Variants in LRRC7 observed in about 807,000 individuals in gnomAD.
The protein encoded by LRRC7 is leucine-rich repeat-containing protein 7.
LRRC7 carries 23 observed loss-of-function variants against 175.7 expected under a neutral mutation model. That is an observed-to-expected ratio of 0.13 (90% CI 0.09 to 0.19). The LOEUF (loss-of-function observed/expected upper bound fraction) is 0.19. Among genes scored for constraint, LRRC7 ranks in the 10% least tolerant of loss-of-function variants. LRRC7 has a pLI of 1.00. For missense variants in LRRC7, 1,354 were observed against 1,904.7 expected (o/e 0.71, Z 5.38); for synonymous variants, 685 against 680.9 (o/e 1.01, Z -0.09).
At chr1:69,763,785 T>C (rs762910728) in intron 3 of LRRC7, among the ~76,000 whole-genome samples, 13 of 152,078 alleles carry the variant, frequency 8.5e-5, no homozygotes, top group Non-Finnish European at 1.6e-4. Context: ...TAAATAAAAA[T>C]TATTTTTGTC....
chr1:69,670,494 C>G (rs1658915642), intron 1 of LRRC7, among the ~76,000 whole-genome samples: 1 of 152,150 alleles, frequency 6.6e-6, no homozygotes, highest in South Asian at 2.1e-4. Flanking sequence ...CTGGGCCTCA[C>G]TGTAACCACT....
intron 26 of LRRC7, among the ~76,000 whole-genome samples, chr1:70,110,206 T>C (rs1478562003): frequency 6.6e-6 from 1 of 151,988 alleles, no homozygotes; most frequent in African/African-American, 2.4e-5. Flanking sequence ...ACAGTGAGAC[T>C]TGGTCTCTAC....
chr1:69,861,772 C>T (rs545356595), intron 7 of LRRC7, among the ~76,000 whole-genome samples: 4 of 152,224 alleles, frequency 2.6e-5, no homozygotes, highest in African/African-American at 9.6e-5. Context: ...AATTCTAAAC[C>T]GGAGGCTCTT....
At chr1:70,046,746 G>A (rs1230323650) in intron 22 of LRRC7, among the ~76,000 whole-genome samples, 1 of 152,042 alleles carries the variant, frequency 6.6e-6, no homozygotes, top group African/African-American at 2.4e-5. Flanking sequence ...TTCCTCCCAC[G>A]AATTCCAGTC....
intron 10 of LRRC7, among the ~76,000 whole-genome samples, chr1:69,990,085 G>A (rs1269700421): frequency 6.6e-6 from 1 of 152,004 alleles, no homozygotes; most frequent in Admixed American, 6.6e-5. Context: ...AAGAATAAGA[G>A]AATCTGCTCT....
intron 23 of LRRC7, among the ~76,000 whole-genome samples, chr1:70,063,180 T>C (rs1055693723): frequency 1.5e-4 from 23 of 152,112 alleles, no homozygotes; most frequent in African/African-American, 5.5e-4. Flanking sequence ...GTCAAAAAGC[T>C]ATCAAGTCAG....
At chr1:69,682,112 G>A (rs1373236535) in intron 2 of LRRC7, among the ~76,000 whole-genome samples, 1 of 152,064 alleles carries the variant, frequency 6.6e-6, no homozygotes, top group Non-Finnish European at 1.5e-5. Context: ...GCTGCCAGCT[G>A]AAGTCACTTT....
chr1:69,672,087 C>CCT (rs1343395908), intron 1 of LRRC7, among the ~76,000 whole-genome samples: 3 of 152,062 alleles, frequency 2.0e-5, no homozygotes, highest in Non-Finnish European at 4.4e-5. Context: ...TATACATGTG[C>CCT]CATGTTGGTG....
chr1:70,063,308 T>G (rs1294995068), intron 23 of LRRC7, among the ~76,000 whole-genome samples: 2 of 152,084 alleles, frequency 1.3e-5, no homozygotes, highest in African/African-American at 4.8e-5. Flanking sequence ...CTTCAGAAAA[T>G]TGAGATAACT....
At chr1:69,712,986 C>T (rs1316423244) in intron 2 of LRRC7, among the ~76,000 whole-genome samples, 1 of 151,994 alleles carries the variant, frequency 6.6e-6, no homozygotes, top group East Asian at 1.9e-4. Context: ...TATTGAATGG[C>T]GAATCTCCCT....
chr1:70,018,609 T>G, intron 14 of LRRC7, 110 bp from the exon 15 acceptor site: 1 of 550,846 alleles, frequency 1.8e-6, no homozygotes, highest in African/African-American at 1.9e-5. Flanking sequence ...TTATTTTATT[T>G]CTTTTTTCAC....
intron 26 of LRRC7, among the ~76,000 whole-genome samples, chr1:70,116,323 G>T (rs1312806362): frequency 6.6e-6 from 1 of 152,132 alleles, no homozygotes; most frequent in Non-Finnish European, 1.5e-5. Flanking sequence ...CGAGGCAGGC[G>T]CATCACGAGG....
At chr1:69,824,247 G>A (rs1339029042) in intron 4 of LRRC7, among the ~76,000 whole-genome samples, 1 of 152,000 alleles carries the variant, frequency 6.6e-6, no homozygotes, top group Non-Finnish European at 1.5e-5. Context: ...AAAGCTAAAC[G>A]GAGAAAAGGA....
At chr1:69,667,702 CA>C (rs1478294063) in intron 1 of LRRC7, among the ~76,000 whole-genome samples, 1 of 152,092 alleles carries the variant, frequency 6.6e-6, no homozygotes, top group Non-Finnish European at 1.5e-5. Flanking sequence ...CCTTTATAGG[CA>C]AAGTGTGTTT....
chr1:69,778,640 A>G (rs1392422905), intron 3 of LRRC7, among the ~76,000 whole-genome samples: 4 of 152,086 alleles, frequency 2.6e-5, no homozygotes, highest in African/African-American at 7.2e-5. Context: ...CTTAGAGAAC[A>G]TGGAACTAGC....
At chr1:70,074,091 A>G (rs1251243952) in intron 23 of LRRC7, among the ~76,000 whole-genome samples, 3 of 152,208 alleles carry the variant, frequency 2.0e-5, no homozygotes, top group South Asian at 2.1e-4. Context: ...AATCCCAGCT[A>G]CTTGGGAGGC....
At chr1:69,650,433 A>T (rs112473351) in intron 1 of LRRC7, among the ~76,000 whole-genome samples, 15,721 of 150,760 alleles carry the variant, frequency 0.1, 986 homozygotes, top group African/African-American at 0.18. Context: ...CCAGCTACTC[A>T]GGAGACTGAG....
intron 1 of LRRC7, among the ~76,000 whole-genome samples, chr1:69,573,276 C>T (rs1330662317): frequency 6.6e-6 from 1 of 152,130 alleles, no homozygotes. Flanking sequence ...CCATTCTGTG[C>T]TCTCTTCTTC....
intron 9 of LRRC7, among the ~76,000 whole-genome samples, chr1:69,983,057 AACAC>A (rs1053383033): frequency 2.0e-5 from 3 of 152,322 alleles, no homozygotes; most frequent in African/African-American, 7.2e-5. Flanking sequence ...ACAAAAAAGA[AACAC>A]ACACACACAT....
Sources: gnomAD v4.1 joint callset for allele counts (sites outside exome capture counted in the v4.1 genomes callset) on GRCh38, gnomAD v4.1.1 for gene constraint, MANE v1.5 for transcripts, NCBI Gene and HGNC (gene_info 2026-07-23, HGNC 2026-07-21) for gene names.